The following GPC5 variants were observed in gnomAD, a reference collection of about 807,000 sequenced individuals.
The protein encoded by GPC5 is glypican 5, also known as glypican-5.
Under a neutral mutation model 53.9 loss-of-function variants are expected in GPC5, and 47 were observed. The ratio of observed to expected loss-of-function variants is 0.87; its 90% CI spans 0.69 to 1.11. The LOEUF is 1.11. Among genes scored for constraint, GPC5 ranks in the 50% most tolerant of loss-of-function variants. GPC5 has a pLI of 0.00. For synonymous variants in GPC5, 286 were observed against 263.3 expected (o/e 1.09, Z -0.84); for missense variants, 748 against 713.1 (o/e 1.05, Z -0.56).
At position 91,781,334 on chromosome 13, in the gene GPC5, C is replaced by T. The variant is rs78899171; in HGVS notation, c.1280+24914C>T. ...CTCAACAAAACACATGCTATACTTA[C>T]GATAGTGCGTATGCTGTACTGAGAA... is the stretch of plus-strand genomic sequence containing the variant. On this transcript the variant is annotated intron_variant, in intron 5 of 7. Coordinates refer to ENST00000377067, the MANE Select transcript of GPC5 (RefSeq NM_004466.6). 6.8e-3 allele frequency among the ~76,000 whole-genome samples: 1,031 copies of T among 152,292 alleles called. 9 individuals are homozygous for T. Among genetic ancestry groups the T allele is most frequent in the African/African-American group, 0.023 (976 of 41,566 alleles).
intron 4 of GPC5, among the ~76,000 whole-genome samples, chr13:91,752,235 T>A: frequency 6.6e-6 from 1 of 152,284 alleles, no homozygotes; most frequent in East Asian, 1.9e-4. Flanking sequence ...TGTGGGTATG[T>A]ATGTATGTAT....
intron 7 of GPC5, among the ~76,000 whole-genome samples, chr13:92,579,089 A>C (rs752728717): frequency 5.3e-5 from 8 of 152,172 alleles, no homozygotes; most frequent in Non-Finnish European, 1.2e-4. Flanking sequence ...TGTCAAAATT[A>C]ATATTCTTCA....
chr13:92,105,376 A>G (rs1157851604), intron 6 of GPC5, among the ~76,000 whole-genome samples: 4 of 152,124 alleles, frequency 2.6e-5, no homozygotes, highest in African/African-American at 9.6e-5. Flanking sequence ...ATAATAGAGC[A>G]CTGCAAATTA....
At chr13:92,561,119 G>A (rs1266001138) in intron 7 of GPC5, among the ~76,000 whole-genome samples, 2 of 151,942 alleles carry the variant, frequency 1.3e-5, no homozygotes, top group African/African-American at 4.8e-5. Context: ...AGTAGCCATA[G>A]TAAAATCCTT....
chr13:92,632,677 A>T (rs1299049219), intron 7 of GPC5, among the ~76,000 whole-genome samples: 1 of 152,136 alleles, frequency 6.6e-6, no homozygotes, highest in East Asian at 1.9e-4. Context: ...TTTCAAATAT[A>T]TCTGTGATTA....
intron 7 of GPC5, among the ~76,000 whole-genome samples, chr13:92,764,461 GGC>G: frequency 6.6e-6 from 1 of 152,204 alleles, no homozygotes; most frequent in African/African-American, 2.4e-5. Context: ...ATGGACTCGA[GGC>G]AGCTCCCTCA....
intron 7 of GPC5, among the ~76,000 whole-genome samples, chr13:92,365,356 C>T (rs1214780217): frequency 6.6e-6 from 1 of 151,654 alleles, no homozygotes; most frequent in Non-Finnish European, 1.5e-5. Context: ...GTATATAGGG[C>T]ATTTACCATG....
At chr13:92,660,568 A>G (rs1373966791) in intron 7 of GPC5, among the ~76,000 whole-genome samples, 3 of 140,546 alleles carry the variant, frequency 2.1e-5, no homozygotes, top group East Asian at 1.9e-4. Flanking sequence ...CTCTTTTCAC[A>G]TATTTTTTTT....
intron 7 of GPC5, among the ~76,000 whole-genome samples, chr13:92,732,931 G>T: frequency 6.6e-6 from 1 of 151,342 alleles, no homozygotes; most frequent in Non-Finnish European, 1.5e-5. Flanking sequence ...CTCCAATTTT[G>T]CTCCCAGGTT....
chr13:92,277,992 C>T (rs901424912), intron 7 of GPC5, among the ~76,000 whole-genome samples: 1 of 151,696 alleles, frequency 6.6e-6, no homozygotes, highest in Non-Finnish European at 1.5e-5. Context: ...CCTCAATAAA[C>T]AATAATGAAA....
chr13:91,488,907 C>T (rs1223392304), intron 2 of GPC5, among the ~76,000 whole-genome samples: 1 of 152,106 alleles, frequency 6.6e-6, no homozygotes, highest in Non-Finnish European at 1.5e-5. Flanking sequence ...AGAATGTGTC[C>T]CTGAGGGGAG....
chr13:92,217,252 A>G (rs998864653), intron 7 of GPC5, among the ~76,000 whole-genome samples: 4 of 152,214 alleles, frequency 2.6e-5, no homozygotes, highest in Non-Finnish European at 4.4e-5. Context: ...CTGTGTACTG[A>G]CAAGGTTCTT....
At chr13:92,153,276 G>GT (rs1218040829) in intron 7 of GPC5, among the ~76,000 whole-genome samples, 1 of 152,050 alleles carries the variant, frequency 6.6e-6, no homozygotes, top group East Asian at 1.9e-4. Flanking sequence ...TTACAGGCAT[G>GT]TGCTACCACA....
At chr13:92,638,779 G>A (rs751492127) in intron 7 of GPC5, among the ~76,000 whole-genome samples, 8 of 152,286 alleles carry the variant, frequency 5.3e-5, no homozygotes, top group African/African-American at 1.2e-4. Flanking sequence ...CAGAGTACTC[G>A]TCAACTCAGG....
At chr13:92,529,104 T>C (rs755935224) in intron 7 of GPC5, among the ~76,000 whole-genome samples, 2 of 152,160 alleles carry the variant, frequency 1.3e-5, no homozygotes, top group Non-Finnish European at 2.9e-5. Context: ...CTTTTTAGAA[T>C]ACTTCATAAA....
chr13:92,549,007 A>G (rs376130168), intron 7 of GPC5, among the ~76,000 whole-genome samples: 7 of 152,152 alleles, frequency 4.6e-5, no homozygotes, highest in Admixed American at 1.3e-4. Flanking sequence ...AATAGATGAT[A>G]AAATATCTCC....
At chr13:92,474,632 G>T in intron 7 of GPC5, among the ~76,000 whole-genome samples, 1 of 149,314 alleles carries the variant, frequency 6.7e-6, no homozygotes, top group East Asian at 2.0e-4. Context: ...TAGTTGTGAT[G>T]GTTAAAAAAA....
chr13:92,738,056 G>A (rs1888987091), intron 7 of GPC5, among the ~76,000 whole-genome samples: 2 of 151,848 alleles, frequency 1.3e-5, no homozygotes. Context: ...GAGCCACTGT[G>A]CCTAGCCAAC....
intron 7 of GPC5, among the ~76,000 whole-genome samples, chr13:92,749,116 C>T (rs1024317873): frequency 6.6e-6 from 1 of 152,126 alleles, no homozygotes; most frequent in Non-Finnish European, 1.5e-5. Context: ...ACTACTCTTA[C>T]ATTCTCAGAT....
Sources: gnomAD v4.1 joint callset for allele counts (sites outside exome capture counted in the v4.1 genomes callset) on GRCh38, gnomAD v4.1.1 for gene constraint, MANE v1.5 for transcripts, NCBI Gene and HGNC (gene_info 2026-07-23, HGNC 2026-07-21) for gene names.